Variants in FARS2 observed in about 807,000 individuals in gnomAD.
The protein encoded by FARS2 is phenylalanyl-tRNA synthetase 2, mitochondrial, also known as phenylalanine--tRNA ligase, mitochondrial.
In FARS2, 40 loss-of-function variants were observed where a neutral mutation model predicts 46.4. The ratio of observed to expected loss-of-function variants is 0.86; its 90% CI spans 0.67 to 1.12. The LOEUF is 1.12. Among genes scored for constraint, FARS2 ranks in the 50% most tolerant of loss-of-function variants. FARS2 has a pLI of 0.00. For missense variants in FARS2, 513 were observed against 567.9 expected (o/e 0.90, Z 0.98); for synonymous variants, 234 against 214.9 (o/e 1.09, Z -0.78).
intron 6 of FARS2, among the ~76,000 whole-genome samples, chr6:5,642,140 CTGTA>C (rs1246577632): frequency 2.6e-5 from 4 of 152,054 alleles, no homozygotes; most frequent in Admixed American, 2.0e-4. Flanking sequence ...TTGTGTGTGT[CTGTA>C]TGTGTGTGTG....
chr6:5,252,594 G>C, the FARS2 span, among the ~76,000 whole-genome samples: 1 of 151,962 alleles, frequency 6.6e-6, no homozygotes, highest in African/African-American at 2.4e-5. Context: ...TCTTCCCACC[G>C]TTTTCTCTCT....
chr6:5,769,326 G>A (rs1326633089), intron 6 of FARS2, among the ~76,000 whole-genome samples: 1 of 152,202 alleles, frequency 6.6e-6, no homozygotes, highest in Non-Finnish European at 1.5e-5. Flanking sequence ...TCAGCACTTG[G>A]TGGCAGCAGG....
intron 4 of FARS2, among the ~76,000 whole-genome samples, chr6:5,515,243 G>T (rs1035345378): frequency 5.3e-5 from 8 of 152,116 alleles, no homozygotes; most frequent in Admixed American, 1.3e-4. Flanking sequence ...GATAACAAAT[G>T]AAGCTTAATT....
chr6:5,324,225 A>C (rs1003198006), intron 1 of FARS2, among the ~76,000 whole-genome samples: 17 of 152,144 alleles, frequency 1.1e-4, no homozygotes, highest in Non-Finnish European at 8.8e-5. Context: ...AGTAGTGACA[A>C]ACTCTATTGT....
chr6:5,754,471 C>A (rs774118775), intron 6 of FARS2, among the ~76,000 whole-genome samples: 77 of 152,274 alleles, frequency 5.1e-4, no homozygotes, highest in Non-Finnish European at 1.1e-3. Context: ...AACAGTCTTG[C>A]CAGAGAGTAA....
chr6:5,667,857 G>A (rs1778223460), intron 6 of FARS2, among the ~76,000 whole-genome samples: 1 of 152,242 alleles, frequency 6.6e-6, no homozygotes, highest in Non-Finnish European at 1.5e-5. Flanking sequence ...GGTTGAAAAA[G>A]ACAGGTGCTA....
At position 5,591,266 on chromosome 6, in the gene FARS2, GC is replaced by G; in HGVS notation, c.1066-21901del. 2.0e-5 allele frequency among the ~76,000 whole-genome samples: 3 copies of G among 152,276 alleles called. 1 individual carries two copies. The South Asian group carries it at 6.2e-4, about 32-fold the overall frequency. ...TTAGGTGTCTGAAAGTCACACTAAGGCCAAGTAACAGCAGGAACAAGGGAAA... is the reference window on the plus strand; with the variant it reads ...TTAGGTGTCTGAAAGTCACACTAAGGCAAGTAACAGCAGGAACAAGGGAAA... On this transcript the variant is annotated intron_variant, in intron 5 of 6. Coordinates refer to ENST00000274680, the MANE Select transcript of FARS2 (RefSeq NM_006567.5).
intron 6 of FARS2, among the ~76,000 whole-genome samples, chr6:5,766,681 A>G (rs1762768167): frequency 6.6e-6 from 1 of 152,226 alleles, no homozygotes; most frequent in Admixed American, 6.5e-5. Flanking sequence ...AAAAATTGAC[A>G]TAACATTAAC....
intron 3 of FARS2, among the ~76,000 whole-genome samples, chr6:5,427,371 C>G (rs963205455): frequency 6.6e-6 from 1 of 152,146 alleles, no homozygotes; most frequent in African/African-American, 2.4e-5. Context: ...GATAAGACTT[C>G]AAAAGCACAG....
Position 5,711,414 on chromosome 6 carries a change from A to G in FARS2, c.1218-59877A>G, listed in dbSNP as rs148417599. Reference sequence around the variant, plus strand: ...CTCCCCACGCTTTAGTGTGGGCTGTACATAAAGGCTTCCTTCCAGAGAGAA... The same window carrying G: ...CTCCCCACGCTTTAGTGTGGGCTGTGCATAAAGGCTTCCTTCCAGAGAGAA... On this transcript the variant is annotated intron_variant, in intron 6 of 6. Transcript: ENST00000274680. 1.3e-3 allele frequency among the ~76,000 whole-genome samples: 198 copies of G among 152,278 alleles called. 1 individual carries two copies. The highest frequency in any genetic ancestry group is 4.2e-3 in the African/African-American group (173 of 41,552).
rs144967005 is a variant in FARS2 at position 5,571,330 on chromosome 6, A to G, written c.1065+25990A>G. Among the ~76,000 whole-genome samples, 852 of 152,340 alleles carry G rather than the reference A, an allele frequency of 5.6e-3. 7 individuals are homozygous for G. Among genetic ancestry groups the G allele is most frequent in the African/African-American group, 0.019 (793 of 41,558 alleles). On this transcript the variant is annotated intron_variant, in intron 5 of 6. Transcript: ENST00000274680. The stretch of plus-strand genomic sequence containing the variant: ...GTCTTCTGTGACATACGGGTGTAAT[A>G]CCTTCATTTCAAATTGATTTAGATG...
rs35150084 is a variant in FARS2 at position 5,580,289 on chromosome 6, C to CA, written c.1066-32863dup. On this transcript the variant is annotated intron_variant, in intron 5 of 6. Transcript: ENST00000274680. ...TGGGTGACAGAGGAAGACTCCGTCT[C>CA]AAAAAAAAAAAAAAAAAGAGAAGGA... 3.5e-3 allele frequency among the ~76,000 whole-genome samples: 371 copies of CA among 105,124 alleles called. 14 individuals are homozygous for CA. Among genetic ancestry groups the CA allele is most frequent in the Middle Eastern group, 0.028 (6 of 218 alleles). The allele number at this position is 105,124 out of a possible 152,430, so 69.0% of individuals were successfully genotyped here. A position where few individuals can be genotyped will look rare whatever the true frequency, so the allele number is the denominator to read the frequency against.
intron 4 of FARS2, among the ~76,000 whole-genome samples, chr6:5,465,913 G>A (rs1462639137): frequency 6.6e-6 from 1 of 151,696 alleles, no homozygotes; most frequent in African/African-American, 2.4e-5. Flanking sequence ...ACCTCTGTCT[G>A]GATTCTTCCC....
intron 4 of FARS2, among the ~76,000 whole-genome samples, chr6:5,438,780 G>T (rs796754754): frequency 2.0e-5 from 3 of 152,238 alleles, no homozygotes; most frequent in African/African-American, 7.2e-5. Context: ...GCTCCAATGT[G>T]CATCTCTTAA....
chr6:5,637,435 T>C (rs1053238035), intron 6 of FARS2, among the ~76,000 whole-genome samples: 3 of 152,192 alleles, frequency 2.0e-5, no homozygotes, highest in Non-Finnish European at 4.4e-5. Context: ...TGGCTGCCTT[T>C]CCTTTATGAG....
rs1405954368 is a variant in FARS2, at chr6:5,630,978, T to G, written c.1217+17658T>G. Among the ~76,000 whole-genome samples the G allele has an allele frequency of 2.0e-5, 3 of 152,234 alleles. No individual in the cohort carries two copies. Among genetic ancestry groups the G allele is most frequent in the African/African-American group, 7.2e-5 (3 of 41,462 alleles). ...CTCAGTTTTGTATGGCAGGGGAATC[T>G]GTTCACCTGCTACCTAGAATTGCCT... On this transcript the variant is annotated intron_variant, in intron 6 of 6. Transcript: ENST00000274680. The surrounding 1 kb of genome is among the most constrained non-coding windows in gnomAD (Gnocchi z 4.2).
rs1283996771 is a variant in FARS2 at position 5,340,686 on chromosome 6, GT to G, written c.-21-27861del. Among the ~76,000 whole-genome samples, 6 of 152,072 alleles carry G rather than the reference GT, an allele frequency of 3.9e-5. No homozygotes were observed. In the South Asian group the frequency reaches 6.2e-4, roughly 16 times the overall value. On this transcript the variant is annotated intron_variant, in intron 1 of 6. Transcript: ENST00000274680. The stretch of plus-strand genomic sequence containing the variant: ...GGTCTCAGGAAATGGCTATATTAAG[GT>G]TTCCGCTTCTTTCAGTAGGAACTCT...
chr6:5,590,275 TC>T (rs1047202895), intron 5 of FARS2, among the ~76,000 whole-genome samples: 1 of 152,172 alleles, frequency 6.6e-6, no homozygotes, highest in Non-Finnish European at 1.5e-5. Flanking sequence ...TAGCAGTGTT[TC>T]CCCATGCACC....
intron 4 of FARS2, among the ~76,000 whole-genome samples, chr6:5,489,181 C>T (rs1561657545): frequency 1.3e-5 from 2 of 152,032 alleles, no homozygotes; most frequent in African/African-American, 2.4e-5. Flanking sequence ...AGGCTGGGTG[C>T]GGTGGCTCAC....
Sources: gnomAD v4.1 joint callset for allele counts (sites outside exome capture counted in the v4.1 genomes callset) on GRCh38, gnomAD v4.1.1 for gene constraint, Gnocchi (gnomAD v3.1) non-coding constraint, MANE v1.5 for transcripts, NCBI Gene and HGNC (gene_info 2026-07-23, HGNC 2026-07-21) for gene names.